Variants in ATG7 observed in about 807,000 individuals in gnomAD.
ATG7 encodes the protein ubiquitin-like modifier-activating enzyme ATG7.
Under a neutral mutation model 82.4 loss-of-function variants are expected in ATG7, and 70 were observed. The observed-to-expected ratio is 0.85, with a 90% CI of 0.70 to 1.04. The LOEUF (loss-of-function observed/expected upper bound fraction) is 1.04, where lower values mean the gene tolerates loss of function less well. Ranked by LOEUF, ATG7 falls within the 50% of genes least tolerant of loss-of-function variation. The pLI is 0.00. For synonymous variants in ATG7, 287 were observed against 313.0 expected, an observed-to-expected ratio of 0.92 and a Z score of 0.88; for missense variants, 792 against 864.3, an observed-to-expected ratio of 0.92 and a Z score of 1.05.
intron 20 of ATG7, among the ~76,000 whole-genome samples, chr3:11,482,701 C>T (rs2153034457): frequency 6.6e-6 from 1 of 151,898 alleles, no homozygotes; most frequent in Non-Finnish European, 1.5e-5. Flanking sequence ...GAGAGCTGAC[C>T]TCTTCCATAC....
chr3:11,449,831 C>T (rs9310383), intron 20 of ATG7, among the ~76,000 whole-genome samples: 77,746 of 152,006 alleles, frequency 0.51, 20,798 homozygotes, highest in East Asian at 0.67. Flanking sequence ...GACAAAAAAG[C>T]GGTTGTAGAT....
Position 11,364,687 on chromosome 3 carries a change from G to C in ATG7, c.1828G>C (p.Asp610His), listed in dbSNP as rs1010940656. Residue 610 changes from aspartate (D) to histidine (H), a missense_variant, in exon 18 of 21, where the codon GAT becomes CAT. Physicochemically the swap from Asp to His is moderately conservative, Grantham distance 81. Transcript: ENST00000693202. ...GGYAIASSSD[D>H]RMNEPPTSLG... Reference sequence around the variant, plus strand: ...CTATGCCATTGCCAGCAGCAGTGACGATCGGATGAATGAGCCTCCAACCTC... The same window carrying C: ...CTATGCCATTGCCAGCAGCAGTGACCATCGGATGAATGAGCCTCCAACCTC... The C allele has an allele frequency of 3.1e-6, 5 of 1,614,050 alleles. No homozygotes were observed. The highest frequency in any genetic ancestry group is 4.2e-6 in the Non-Finnish European group (5 of 1,180,026).
rs1460970846 is a variant in ATG7, at chr3:11,555,372, TG to T, written c.*532del. The T allele has an allele frequency of 6.5e-6, 1 of 154,890 alleles. No homozygotes were observed. The highest frequency in any genetic ancestry group is 2.4e-5 in the African/African-American group (1 of 41,508). 9.6% of individuals were successfully genotyped at this position (154,890 alleles called of 1,614,324 possible). ...AGCGGGAGGAGGAGGAGAGCCGAGC[TG>T]GGTACGAGACTAAAGGGCCCACATG... On this transcript the variant is annotated 3_prime_UTR_variant, in exon 21 of 21. Transcript: ENST00000693202.
chr3:11,457,240 T>C (rs759794438), intron 20 of ATG7, among the ~76,000 whole-genome samples: 1 of 152,166 alleles, frequency 6.6e-6, no homozygotes, highest in Non-Finnish European at 1.5e-5. Flanking sequence ...TTAGAAGTAT[T>C]GTTTCCCAAA....
At chr3:11,480,404 G>A (rs1343803897) in intron 20 of ATG7, among the ~76,000 whole-genome samples, 1 of 152,192 alleles carries the variant, frequency 6.6e-6, no homozygotes, top group Non-Finnish European at 1.5e-5. Flanking sequence ...GGGCGTGGTT[G>A]TGCATGCCTA....
At chr3:11,279,283 T>G (rs2152632558) in intron 1 of ATG7, among the ~76,000 whole-genome samples, 1 of 152,322 alleles carries the variant, frequency 6.6e-6, no homozygotes, top group South Asian at 2.1e-4. Context: ...CAGGGATAGC[T>G]CTAAACAAAA....
At chr3:11,382,289 G>T (rs556060768) in intron 19 of ATG7, among the ~76,000 whole-genome samples, 5 of 152,340 alleles carry the variant, frequency 3.3e-5, no homozygotes, top group African/African-American at 1.2e-4. Context: ...TATATATAGA[G>T]AGAGAGAGTG....
At chr3:11,528,266 C>T (rs369784740) in intron 20 of ATG7, among the ~76,000 whole-genome samples, 12 of 152,304 alleles carry the variant, frequency 7.9e-5, no homozygotes, top group South Asian at 6.2e-4. Context: ...ATTAAATCAG[C>T]AAGGAGCAGC....
Position 11,339,717 on chromosome 3 carries a change from C to T in ATG7, c.890-928C>T, listed in dbSNP as rs558329357. Among the ~76,000 whole-genome samples, 4 of 152,334 alleles carry T rather than the reference C, an allele frequency of 2.6e-5. No homozygotes were observed. In the East Asian group the frequency reaches 5.8e-4, roughly 22 times the overall value. The stretch of plus-strand genomic sequence containing the variant: ...AACAGTAGAATACAGCAGTGTTTCC[C>T]TGAATGTGTCCCTTGAGATTGTAAT... On this transcript the variant is annotated intron_variant, in intron 11 of 20. Coordinates refer to ENST00000693202, the MANE Select transcript of ATG7 (RefSeq NM_001349232.2).
At chr3:11,293,485 C>T (rs1174250415) in intron 3 of ATG7, among the ~76,000 whole-genome samples, 14 of 144,292 alleles carry the variant, frequency 9.7e-5, no homozygotes, top group East Asian at 2.1e-4. Flanking sequence ...GAGCCGAGAT[C>T]GTGCCACTAC....
chr3:11,576,335 G>C, the ATG7 span, among the ~76,000 whole-genome samples: 3 of 152,164 alleles, frequency 2.0e-5, no homozygotes, highest in Non-Finnish European at 4.4e-5. Flanking sequence ...TAATAAAATT[G>C]AAAAGAATTT....
At chr3:11,455,238 T>C (rs535827528) in intron 20 of ATG7, among the ~76,000 whole-genome samples, 1 of 152,354 alleles carries the variant, frequency 6.6e-6, no homozygotes, top group South Asian at 2.1e-4. Flanking sequence ...AAGCAAGTTA[T>C]TGATTTTAAG....
At chr3:11,420,249 C>A (rs2081811103) in intron 19 of ATG7, among the ~76,000 whole-genome samples, 1 of 152,144 alleles carries the variant, frequency 6.6e-6, no homozygotes. Context: ...ATTAAATATG[C>A]CCCTAGAGGA....
chr3:11,537,132 C>G (rs2070382472), intron 20 of ATG7, among the ~76,000 whole-genome samples: 1 of 152,158 alleles, frequency 6.6e-6, no homozygotes, highest in African/African-American at 2.4e-5. Context: ...CCCCTGGGAT[C>G]TTTGCACCTG....
chr3:11,494,476 G>A (rs1415011149), intron 20 of ATG7, among the ~76,000 whole-genome samples: 1 of 152,216 alleles, frequency 6.6e-6, no homozygotes, highest in East Asian at 1.9e-4. Flanking sequence ...TAATTCAAAA[G>A]AAATCATAAA....
chr3:11,524,870 T>C (rs1407457034), intron 20 of ATG7, among the ~76,000 whole-genome samples: 1 of 151,978 alleles, frequency 6.6e-6, no homozygotes, highest in Non-Finnish European at 1.5e-5. Context: ...ATCCTCCAGG[T>C]GAGGTTCTGT....
intron 18 of ATG7, among the ~76,000 whole-genome samples, chr3:11,378,887 A>G (rs2077658491): frequency 6.6e-6 from 1 of 151,664 alleles, no homozygotes; most frequent in Admixed American, 6.6e-5. Context: ...TTTGAGGGAG[A>G]GGGCATGGTG....
chr3:11,327,653 C>G (rs1951067786), intron 9 of ATG7, among the ~76,000 whole-genome samples: 1 of 152,204 alleles, frequency 6.6e-6, no homozygotes, highest in Non-Finnish European at 1.5e-5. Flanking sequence ...GACCAGTACT[C>G]AAGCCAGACT....
chr3:11,455,049 T>A (rs1464932306), intron 20 of ATG7, among the ~76,000 whole-genome samples: 2 of 152,236 alleles, frequency 1.3e-5, no homozygotes, highest in African/African-American at 4.8e-5. Flanking sequence ...CGAGTACAGT[T>A]ATTTACATAT....
Sources: gnomAD v4.1 joint callset for allele counts (sites outside exome capture counted in the v4.1 genomes callset) on GRCh38, gnomAD v4.1.1 for gene constraint, MANE v1.5 for transcripts, NCBI Gene and HGNC (gene_info 2026-07-23, HGNC 2026-07-21) for gene names.